INPP4B: variants seen among roughly 807,000 people sequenced by gnomAD.
INPP4B encodes the protein inositol polyphosphate-4-phosphatase type II B, also known as inositol polyphosphate 4-phosphatase type II.
In INPP4B, 55 loss-of-function variants were observed where a neutral mutation model predicts 122.5. The ratio of observed to expected loss-of-function variants is 0.45; its 90% confidence interval spans 0.36 to 0.56. The LOEUF (loss-of-function observed/expected upper bound fraction) is 0.56. Among genes scored for constraint, INPP4B ranks in the 20% least tolerant of loss-of-function variants. The pLI is 0.00. For missense variants in INPP4B, 1,000 were observed against 1,097.7 expected, an observed-to-expected ratio of 0.91 and a Z score of 1.26; for synonymous variants, 403 against 388.7, an observed-to-expected ratio of 1.04 and a Z score of -0.43.
rs1282661168 is a variant in INPP4B, at chr4:142,037,176, TTATTTATTTAAGACCCGTCAAAGCAG to T, written c.2643-8288_2643-8263del. On this transcript the variant is annotated intron_variant, in intron 25 of 25. Transcript: ENST00000262992. ...CAGGATAGAAAATGATCTTTTTTAT[TTATTTATTTAAGACCCGTCAAAGCAG>T]TCACTTAAAATAGAAACAAGTTAAA... Among the ~76,000 whole-genome samples, 6 of 152,292 alleles carry T rather than the reference TTATTTATTTAAGACCCGTCAAAGCAG, an allele frequency of 3.9e-5. No homozygotes were observed. The East Asian group carries it at 9.7e-4, about 25-fold the overall frequency.
chr4:142,839,175 G>A (rs1442191037), intron 1 of INPP4B, among the ~76,000 whole-genome samples: 2 of 152,090 alleles, frequency 1.3e-5, no homozygotes, highest in African/African-American at 4.8e-5. Context: ...GTAAAACTTT[G>A]GCTGGGTCTG....
At chr4:142,632,950 C>T (rs1178343436) in intron 2 of INPP4B, among the ~76,000 whole-genome samples, 3 of 151,336 alleles carry the variant, frequency 2.0e-5, no homozygotes, top group African/African-American at 7.3e-5. Context: ...TAAACATAAA[C>T]AGGTTGGATC....
At chr4:142,660,464 C>T (rs900443157) in intron 2 of INPP4B, among the ~76,000 whole-genome samples, 9 of 152,012 alleles carry the variant, frequency 5.9e-5, no homozygotes, top group African/African-American at 2.2e-4. Flanking sequence ...CCTTTCTCCT[C>T]CTTGGTTCTC....
chr4:142,035,473 C>G lies in INPP4B; in HGVS notation c.2643-6559G>C, dbSNP rs560645284. ...GATAAAGATACTATTCACCTAGAAC[C>G]TTTTTAACTGGTAGAGATGTATAAT... On this transcript the variant is annotated intron_variant, in intron 25 of 25. Coordinates refer to ENST00000262992, the MANE Select transcript of INPP4B (RefSeq NM_001101669.3). 1.0e-3 allele frequency among the ~76,000 whole-genome samples: 159 copies of G among 152,076 alleles called. 1 individual carries two copies. Among genetic ancestry groups the G allele is most frequent in the Non-Finnish European group, 6.2e-4 (42 of 68,014 alleles).
chr4:142,079,509 TA>T (rs1377141600), intron 25 of INPP4B, among the ~76,000 whole-genome samples: 2 of 152,062 alleles, frequency 1.3e-5, no homozygotes, highest in African/African-American at 4.8e-5. Context: ...CAATCAGCAT[TA>T]AGCAGTAACT....
At chr4:142,816,867 A>C (rs989214332) in intron 1 of INPP4B, among the ~76,000 whole-genome samples, 10 of 152,128 alleles carry the variant, frequency 6.6e-5, no homozygotes, top group Non-Finnish European at 1.2e-4. Flanking sequence ...GGTATAATAC[A>C]CGCTTTCAAA....
chr4:142,538,502 A>T (rs184253136), intron 2 of INPP4B, among the ~76,000 whole-genome samples: 1 of 152,168 alleles, frequency 6.6e-6, no homozygotes, highest in East Asian at 1.9e-4. Flanking sequence ...TTTTAAGCAA[A>T]CTCACATTTA....
At chr4:142,467,184 C>A (rs1248437677) in intron 2 of INPP4B, among the ~76,000 whole-genome samples, 1 of 152,234 alleles carries the variant, frequency 6.6e-6, no homozygotes, top group Non-Finnish European at 1.5e-5. Flanking sequence ...GGGTCACTGA[C>A]CTCCAGACCT....
chr4:142,156,112 CA>C (rs1817044609), intron 17 of INPP4B, among the ~76,000 whole-genome samples: 1 of 151,652 alleles, frequency 6.6e-6, no homozygotes, highest in Admixed American at 6.6e-5. Flanking sequence ...CCGCTTGATG[CA>C]GAAATGTAGA....
At chr4:142,103,994 C>T (rs901682636) in intron 23 of INPP4B, among the ~76,000 whole-genome samples, 6 of 151,946 alleles carry the variant, frequency 3.9e-5, no homozygotes, top group African/African-American at 1.5e-4. Context: ...AAAAAAAAGC[C>T]CTGTTTTTCT....
At chr4:142,169,163 TAAC>T (rs1824299181) in intron 16 of INPP4B, among the ~76,000 whole-genome samples, 1 of 151,652 alleles carries the variant, frequency 6.6e-6, no homozygotes, top group Non-Finnish European at 1.5e-5. Context: ...AATTTTCTAA[TAAC>T]AAATTTTGTT....
intron 14 of INPP4B, 55 bp downstream of exon 14, chr4:142,208,370 C>A (rs1843426046): frequency 1.2e-6 from 1 of 856,958 alleles, no homozygotes; most frequent in Admixed American, 2.4e-5. Flanking sequence ...AAGCTGTTTA[C>A]AGAAGTACAC....
intron 3 of INPP4B, among the ~76,000 whole-genome samples, chr4:142,455,952 T>C (rs1815322098): frequency 6.6e-6 from 1 of 152,088 alleles, no homozygotes; most frequent in Non-Finnish European, 1.5e-5. Flanking sequence ...GTATGTCTTC[T>C]TTTGAGAAAT....
chr4:142,069,563 T>C (rs1465388132), intron 25 of INPP4B, among the ~76,000 whole-genome samples: 2 of 151,718 alleles, frequency 1.3e-5, no homozygotes, highest in Non-Finnish European at 2.9e-5. Context: ...TTTGAAAAGA[T>C]CAACAAAATT....
intron 1 of INPP4B, among the ~76,000 whole-genome samples, chr4:142,726,846 AATG>A (rs1317997416): frequency 1.3e-5 from 2 of 152,226 alleles, no homozygotes; most frequent in African/African-American, 4.8e-5. Flanking sequence ...GTAATATGGG[AATG>A]ATATTTTTTC....
chr4:142,369,838 G>T (rs1018556998), intron 7 of INPP4B, among the ~76,000 whole-genome samples: 1 of 148,938 alleles, frequency 6.7e-6, no homozygotes, highest in African/African-American at 2.5e-5. Flanking sequence ...GGCTGAGGCA[G>T]AAGAATTGCT....
At chr4:142,276,581 G>T (rs1279318744) in intron 9 of INPP4B, among the ~76,000 whole-genome samples, 1 of 151,922 alleles carries the variant, frequency 6.6e-6, no homozygotes, top group Non-Finnish European at 1.5e-5. Flanking sequence ...TATAAAGATT[G>T]TAAACCATCC....
intron 25 of INPP4B, among the ~76,000 whole-genome samples, chr4:142,043,734 AG>A (rs1420272801): frequency 6.6e-6 from 1 of 152,242 alleles, no homozygotes; most frequent in African/African-American, 2.4e-5. Context: ...CAGTAAAATG[AG>A]ATGAGGCTAT....
At position 142,237,875 on chromosome 4, in the gene INPP4B, T is replaced by C. The variant is rs745577024; in HGVS notation, c.825A>G (p.Glu275=). 1.3e-6 allele frequency: 2 copies of C among 1,556,554 alleles called. No homozygotes were observed. Among genetic ancestry groups the C allele is most frequent in the Admixed American group, 1.7e-5 (1 of 58,198 alleles). The change falls in exon 12 of 26, where the codon GAA becomes GAG. Residue 275 remains glutamate (E), a synonymous_variant. Transcript: ENST00000262992. The stretch of plus-strand genomic sequence containing the variant: ...TTATTTTCTCTTACCTGCACAAATC[T>C]TCTTTAATGTGAAGGGAAATCAATT... ...PKELISLHIK[E]DLCRNQEIKE... is the part of the protein sequence containing the mutation.
Sources: gnomAD v4.1 joint callset for allele counts (sites outside exome capture counted in the v4.1 genomes callset) on GRCh38, gnomAD v4.1.1 for gene constraint, MANE v1.5 for transcripts, NCBI Gene and HGNC (gene_info 2026-07-23, HGNC 2026-07-21) for gene names.